The following FBXW8 variants were observed in gnomAD, a reference collection of about 807,000 sequenced individuals.
The protein encoded by FBXW8 is F-box and WD repeat domain containing 8.
A neutral mutation model predicts 65.3 loss-of-function variants in FBXW8; 57 were observed. That is an observed-to-expected ratio of 0.87 (90% CI 0.71 to 1.09). The LOEUF is 1.09. Among genes scored for constraint, FBXW8 ranks in the 50% least tolerant of loss-of-function variants. The pLI is 0.00. For synonymous variants in FBXW8, 308 were observed against 330.2 expected (o/e 0.93, Z 0.73); for missense variants, 777 against 814.8 (o/e 0.95, Z 0.57).
At chr12:116,916,889 C>CGTGT (rs71443002) in intron 1 of FBXW8, among the ~76,000 whole-genome samples, 106 of 146,366 alleles carry the variant, frequency 7.2e-4, no homozygotes, top group Non-Finnish European at 8.7e-4. Context: ...GCTAATTGTG[C>CGTGT]GTGTGTGTGT....
chr12:116,932,134 T>A (rs1881818173), intron 2 of FBXW8, among the ~76,000 whole-genome samples: 1 of 152,198 alleles, frequency 6.6e-6, no homozygotes, highest in Non-Finnish European at 1.5e-5. Flanking sequence ...ATGCATTGTA[T>A]TACATTTATA....
rs553295787 is a variant in FBXW8 at position 116,945,653 on chromosome 12, C to T, written c.588+125C>T. ...AGGGAGAGGGGTACACTGAGCCTCC[C>T]CTTCAGCTGTTGGTGACTTGTTGCC... is the stretch of plus-strand genomic sequence containing the variant. On this transcript the variant is annotated intron_variant, in intron 3 of 10. Transcript: ENST00000652555. 7.8e-5 allele frequency: 65 copies of T among 832,950 alleles called. No homozygotes were observed. The African/African-American group carries it at 8.8e-4, about 11-fold the overall frequency. 51.6% of individuals were successfully genotyped at this position (832,950 alleles called of 1,614,324 possible).
At chr12:117,002,578 T>C (rs1953556224) in intron 7 of FBXW8, 1 of 152,176 alleles carries the variant, frequency 6.6e-6, no homozygotes, top group African/African-American at 2.4e-5. Flanking sequence ...TGAAAGTCAT[T>C]TTCCACATGT....
intron 2 of FBXW8, among the ~76,000 whole-genome samples, chr12:116,942,520 G>A: frequency 6.6e-6 from 1 of 151,436 alleles, no homozygotes; most frequent in East Asian, 1.9e-4. Flanking sequence ...GATTACAGGT[G>A]CACGCCACCA....
chr12:117,021,279 TTTC>T (rs1487757912), intron 8 of FBXW8, among the ~76,000 whole-genome samples: 1 of 152,220 alleles, frequency 6.6e-6, no homozygotes, highest in African/African-American at 2.4e-5. Context: ...TGAATTGCTT[TTTC>T]TTATCTTTTC....
At chr12:116,962,614 ACGTGCC>A (rs1884056417) in intron 4 of FBXW8, among the ~76,000 whole-genome samples, 1 of 152,216 alleles carries the variant, frequency 6.6e-6, no homozygotes, top group Non-Finnish European at 1.5e-5. Flanking sequence ...CTTTTTCTGA[ACGTGCC>A]TTACTTTTCT....
intron 8 of FBXW8, among the ~76,000 whole-genome samples, chr12:117,021,582 T>C (rs1336389191): frequency 1.3e-5 from 2 of 150,756 alleles, no homozygotes; most frequent in Non-Finnish European, 2.9e-5. Context: ...AAAATTATTA[T>C]AGAGTATTTT....
intron 5 of FBXW8, among the ~76,000 whole-genome samples, chr12:116,971,116 C>T (rs113302594): frequency 0.11 from 17,296 of 152,110 alleles, 1,150 homozygotes; most frequent in Middle Eastern, 0.22. Flanking sequence ...GTGGCTCAGG[C>T]TTGTAATGCC....
Position 116,955,583 on chromosome 12 carries a change from A to G in FBXW8, c.677+5877A>G, listed in dbSNP as rs983906485. 3.3e-5 allele frequency among the ~76,000 whole-genome samples: 5 copies of G among 152,310 alleles called. No homozygotes were observed. In the South Asian group the frequency reaches 1.0e-3, roughly 32 times the overall value. On this transcript the variant is annotated intron_variant, in intron 4 of 10. Transcript: ENST00000652555. ...GTTAGTTGATAGTAAGTGCTCAGGA[A>G]ACATGTCTTTTGTTTGTTTCTTTGA...
rs547950465 is a variant in FBXW8 at position 116,988,787 on chromosome 12, C to T, written c.1157C>T (p.Pro386Leu). Residue 386 changes from proline to leucine, a missense_variant, in exon 7 of 11, where the codon CCG becomes CTG. Transcript: ENST00000652555. Reference sequence around the variant, plus strand: ...AGAACCCTCCTTTACGCCCACGGCCCGCCTGTCACATGTCTAGACGTCTCG... The same window carrying T: ...AGAACCCTCCTTTACGCCCACGGCCTGCCTGTCACATGTCTAGACGTCTCG... Reference protein sequence around the residue: ...SARTLLYAHGPPVTCLDVSAN... With the variant: ...SARTLLYAHGLPVTCLDVSAN... The T allele has an allele frequency of 1.1e-4, 174 of 1,614,044 alleles. 2 individuals are homozygous for T. In the South Asian group the frequency reaches 1.6e-3, roughly 15 times the overall value.
chr12:116,911,884 A>G (rs1039688284), intron 1 of FBXW8, among the ~76,000 whole-genome samples: 1 of 152,178 alleles, frequency 6.6e-6, no homozygotes, highest in African/African-American at 2.4e-5. Flanking sequence ...TTATCTCAGA[A>G]AAAAAGGAAG....
chr12:117,016,962 G>A (rs1020439211), intron 8 of FBXW8, among the ~76,000 whole-genome samples: 1 of 152,098 alleles, frequency 6.6e-6, no homozygotes, highest in Non-Finnish European at 1.5e-5. Context: ...GGGTTATTCC[G>A]GACTCTCAGT....
intron 7 of FBXW8, among the ~76,000 whole-genome samples, chr12:116,994,583 A>T (rs1470057862): frequency 2.0e-5 from 3 of 152,180 alleles, no homozygotes; most frequent in Non-Finnish European, 4.4e-5. Flanking sequence ...TCAAATTACC[A>T]TATGTGGTCT....
chr12:116,987,975 G>A (rs1044821463), intron 6 of FBXW8, among the ~76,000 whole-genome samples: 1 of 152,078 alleles, frequency 6.6e-6, no homozygotes, highest in South Asian at 2.1e-4. Flanking sequence ...TGCTTTACCC[G>A]CTAAGCTTAT....
At chr12:116,927,370 G>C (rs185602519) in intron 1 of FBXW8, among the ~76,000 whole-genome samples, 35 of 152,226 alleles carry the variant, frequency 2.3e-4, no homozygotes, top group African/African-American at 8.4e-4. Flanking sequence ...GCACTGGCCC[G>C]CTCAGGTTAA....
intron 1 of FBXW8, among the ~76,000 whole-genome samples, chr12:116,921,232 C>T (rs1267636148): frequency 6.6e-6 from 1 of 152,220 alleles, no homozygotes; most frequent in Non-Finnish European, 1.5e-5. Context: ...GTGCAATGCA[C>T]TGAGCTGGTT....
chr12:116,992,180 T>A (rs913011457), intron 7 of FBXW8, among the ~76,000 whole-genome samples: 16 of 152,246 alleles, frequency 1.1e-4, no homozygotes, highest in East Asian at 5.8e-4. Flanking sequence ...ATCTTTTTTT[T>A]AAAAAAGTCT....
chr12:117,018,271 T>A (rs1490539570), intron 8 of FBXW8, among the ~76,000 whole-genome samples: 1 of 152,208 alleles, frequency 6.6e-6, no homozygotes, highest in Non-Finnish European at 1.5e-5. Flanking sequence ...ATAATACAAT[T>A]ACAGCTTTCA....
chr12:117,001,728 G>A (rs1172275577), intron 7 of FBXW8, among the ~76,000 whole-genome samples: 2 of 152,146 alleles, frequency 1.3e-5, no homozygotes, highest in Non-Finnish European at 2.9e-5. Context: ...GAAGGAGGGT[G>A]TAAGGATTTT....
Sources: allele counts gnomAD v4.1 joint callset (sites outside exome capture counted in the v4.1 genomes callset), GRCh38; gene constraint gnomAD v4.1.1; transcripts MANE v1.5; gene names NCBI Gene and HGNC (gene_info 2026-07-23, HGNC 2026-07-21).